YAP1: variants seen among roughly 807,000 people sequenced by gnomAD.
The protein encoded by YAP1 is transcriptional coactivator YAP1.
YAP1 carries 5 observed loss-of-function variants against 56.9 expected under a neutral mutation model. The observed-to-expected ratio is 0.09, with a 90% CI of 0.05 to 0.18. The LOEUF (loss-of-function observed/expected upper bound fraction) is 0.18. YAP1 is among the 10% of genes least tolerant of loss of function. YAP1 has a pLI of 1.00. For synonymous variants in YAP1, 265 were observed against 248.1 expected (o/e 1.07, Z -0.64); for missense variants, 539 against 651.8 (o/e 0.83, Z 1.88).
chr11:102,191,556 C>CT (rs1352091818), intron 4 of YAP1, among the ~76,000 whole-genome samples: 1 of 152,172 alleles, frequency 6.6e-6, no homozygotes, highest in African/African-American at 2.4e-5. Context: ...CCTACTAATG[C>CT]TGATACATGA....
At chr11:102,134,087 AT>A (rs1314217371) in intron 2 of YAP1, among the ~76,000 whole-genome samples, 4 of 152,224 alleles carry the variant, frequency 2.6e-5, no homozygotes, top group African/African-American at 9.6e-5. Context: ...ACATTGAGGG[AT>A]TAGCACTTCA....
chr11:102,122,821 G>A (rs1943744980), intron 2 of YAP1, among the ~76,000 whole-genome samples: 1 of 147,488 alleles, frequency 6.8e-6, no homozygotes, highest in Admixed American at 6.9e-5. Context: ...TTGAACCTGG[G>A]AGGTGGAGGT....
At position 102,231,206 on chromosome 11, in the gene YAP1, C is replaced by T. The variant is rs1202008031; in HGVS notation, c.*1266C>T. 1 of 152,154 alleles carries T rather than the reference C, an allele frequency of 6.6e-6. No homozygotes were observed. The highest frequency in any genetic ancestry group is 1.9e-4 in the East Asian group (1 of 5,202). 9.4% of individuals were successfully genotyped at this position (152,154 alleles called of 1,614,324 possible). On this transcript the variant is annotated 3_prime_UTR_variant, in exon 9 of 9. Coordinates refer to ENST00000282441, the MANE Select transcript of YAP1 (RefSeq NM_001130145.3). Reference sequence around the variant, plus strand: ...CTCCCTTGGACTAATTTTTAAGTCTCGATTGGAATTCAGTGAGTAGGTTCA... The same window carrying T: ...CTCCCTTGGACTAATTTTTAAGTCTTGATTGGAATTCAGTGAGTAGGTTCA...
intron 2 of YAP1, among the ~76,000 whole-genome samples, chr11:102,156,914 G>A: frequency 6.6e-6 from 1 of 152,058 alleles, no homozygotes; most frequent in East Asian, 1.9e-4. Flanking sequence ...CACTTTTTTT[G>A]TCAACATGTT....
chr11:102,113,071 A>G (rs546050420), intron 1 of YAP1, among the ~76,000 whole-genome samples: 3 of 152,232 alleles, frequency 2.0e-5, no homozygotes, highest in African/African-American at 7.2e-5. Flanking sequence ...TTCCTAAATC[A>G]TACTTATTCT....
intron 2 of YAP1, among the ~76,000 whole-genome samples, chr11:102,133,971 A>G (rs1342260448): frequency 6.6e-6 from 1 of 152,188 alleles, no homozygotes; most frequent in African/African-American, 2.4e-5. Flanking sequence ...ACACACTGTC[A>G]TGTCATTTTT....
intron 3 of YAP1, among the ~76,000 whole-genome samples, chr11:102,177,910 A>G (rs1420568335): frequency 6.6e-6 from 1 of 152,296 alleles, no homozygotes; most frequent in East Asian, 1.9e-4. Flanking sequence ...GGATTAAAAA[A>G]ATATGATTAC....
chr11:102,129,795 CTTT>C (rs773044206), intron 2 of YAP1, among the ~76,000 whole-genome samples: 3 of 102,082 alleles, frequency 2.9e-5, no homozygotes, highest in Admixed American at 1.0e-4. Flanking sequence ...GGAAGCAAAA[CTTT>C]TTTTTTTTTT....
At chr11:102,153,702 ATTATC>A (rs1945789772) in intron 2 of YAP1, among the ~76,000 whole-genome samples, 1 of 152,110 alleles carries the variant, frequency 6.6e-6, no homozygotes, top group South Asian at 2.1e-4. Context: ...GCTGTACTCA[ATTATC>A]TTTCTTCCAA....
intron 3 of YAP1, among the ~76,000 whole-genome samples, chr11:102,184,814 T>C (rs1375743512): frequency 6.6e-6 from 1 of 152,134 alleles, no homozygotes; most frequent in Non-Finnish European, 1.5e-5. Flanking sequence ...AAAAGAAGTA[T>C]AGTTGTGAAG....
chr11:102,156,387 T>A (rs1167208460), intron 2 of YAP1, among the ~76,000 whole-genome samples: 1 of 152,236 alleles, frequency 6.6e-6, no homozygotes, highest in Non-Finnish European at 1.5e-5. Context: ...CAGGTGCTAA[T>A]AAGTCTGCCC....
chr11:102,112,841 T>C (rs1943044949), intron 1 of YAP1: 7 of 912,518 alleles, frequency 7.7e-6, no homozygotes, highest in Non-Finnish European at 6.5e-6. Context: ...CGGTATGTTT[T>C]CAAAGTATAA....
At chr11:102,182,202 A>C (rs1245712935) in intron 3 of YAP1, among the ~76,000 whole-genome samples, 1 of 152,242 alleles carries the variant, frequency 6.6e-6, no homozygotes, top group Non-Finnish European at 1.5e-5. Flanking sequence ...ATCAAAAAGT[A>C]TAGGGGTAAG....
Position 102,111,060 on chromosome 11 carries a change from C to T in YAP1, c.212C>T (p.Ala71Val). ...SETDLEALFN[A>V]VMNPKTANVP... ...ACCGACCTGGAGGCGCTCTTCAACGCCGTCATGAACCCCAAGACGGCCAAC... is the reference window on the plus strand; with the variant it reads ...ACCGACCTGGAGGCGCTCTTCAACGTCGTCATGAACCCCAAGACGGCCAAC... Residue 71 changes from alanine to valine, a missense_variant, in exon 1 of 9, where the codon GCC becomes GTC. This residue lies in a region of YAP1 where 414 missense variants were observed against 512.4 expected (regional missense o/e 0.81). Coordinates refer to ENST00000282441, the MANE Select transcript of YAP1 (RefSeq NM_001130145.3). 1 of 1,613,262 alleles carries T rather than the reference C, an allele frequency of 6.2e-7. No individual in the cohort carries two copies. The highest frequency in any genetic ancestry group is 1.1e-5 in the South Asian group (1 of 91,082).
chr11:102,129,814 T>TTTC (rs1944267250), intron 2 of YAP1, among the ~76,000 whole-genome samples: 1 of 150,792 alleles, frequency 6.6e-6, no homozygotes, highest in Non-Finnish European at 1.5e-5. Context: ...TTTTTTTTTT[T>TTTC]TTCGAAATGG....
intron 7 of YAP1, 69 bp from the exon 8 acceptor site, chr11:102,227,400 T>G: frequency 2.0e-6 from 2 of 996,028 alleles, no homozygotes; most frequent in Non-Finnish European, 3.1e-6. Context: ...GCTCAGCAGG[T>G]GTTTATTTTT....
At chr11:102,188,956 T>C (rs1948133604) in intron 4 of YAP1, among the ~76,000 whole-genome samples, 1 of 152,190 alleles carries the variant, frequency 6.6e-6, no homozygotes, top group African/African-American at 2.4e-5. Context: ...ATTTCTTTAA[T>C]ATTTTAATTT....
At chr11:102,217,398 T>G (rs939100826) in intron 6 of YAP1, among the ~76,000 whole-genome samples, 9 of 152,164 alleles carry the variant, frequency 5.9e-5, no homozygotes, top group African/African-American at 2.2e-4. Flanking sequence ...AAAGCATGTT[T>G]CTACACAAAG....
chr11:102,183,739 T>TGTGTGTGTGTGTG (rs1565241068), intron 3 of YAP1, among the ~76,000 whole-genome samples: 9 of 150,628 alleles, frequency 6.0e-5, no homozygotes, highest in African/African-American at 7.3e-5. Context: ...TGTGTGTGTG[T>TGTGTGTGTGTGTG]TTAAACCACA....
Sources: gnomAD v4.1 joint callset for allele counts (sites outside exome capture counted in the v4.1 genomes callset) on GRCh38, gnomAD v4.1.1 for gene constraint, gnomAD v4.1.1 regional missense constraint, MANE v1.5 for transcripts, NCBI Gene and HGNC (gene_info 2026-07-23, HGNC 2026-07-21) for gene names.